The following SPAG16 variants were observed in gnomAD, a reference collection of about 807,000 sequenced individuals.
SPAG16 encodes the protein sperm-associated antigen 16 protein.
A neutral mutation model predicts 80.4 loss-of-function variants in SPAG16; 86 were observed. The observed-to-expected ratio is 1.07, with a 90% CI of 0.90 to 1.28. SPAG16 has a LOEUF of 1.28. SPAG16 is among the 50% of genes most tolerant of loss of function. SPAG16 has a pLI of 0.00. For missense variants in SPAG16, 870 were observed against 765.3 expected (o/e 1.14, Z -1.61); for synonymous variants, 294 against 265.9 (o/e 1.11, Z -1.03).
At chr2:213,449,921 C>T (rs2125569315) in intron 9 of SPAG16, among the ~76,000 whole-genome samples, 1 of 151,858 alleles carries the variant, frequency 6.6e-6, no homozygotes, top group East Asian at 1.9e-4. Context: ...GAATGTCTAC[C>T]CATGTGATTA....
chr2:214,355,681 C>T (rs1419592389), intron 15 of SPAG16, among the ~76,000 whole-genome samples: 2 of 151,406 alleles, frequency 1.3e-5, no homozygotes, highest in Non-Finnish European at 2.9e-5. Flanking sequence ...GGGTATATAC[C>T]CAAAAGACTA....
At chr2:213,520,638 G>A (rs1253414430) in intron 10 of SPAG16, among the ~76,000 whole-genome samples, 1 of 152,036 alleles carries the variant, frequency 6.6e-6, no homozygotes, top group African/African-American at 2.4e-5. Context: ...CATCCAACTT[G>A]TATTACTCTG....
At chr2:214,201,098 G>A (rs1338810375) in intron 15 of SPAG16, among the ~76,000 whole-genome samples, 1 of 152,036 alleles carries the variant, frequency 6.6e-6, no homozygotes, top group Non-Finnish European at 1.5e-5. Flanking sequence ...TTGTTTTGTG[G>A]ATCAATTAGC....
At chr2:213,688,142 A>G (rs1219543116) in intron 10 of SPAG16, among the ~76,000 whole-genome samples, 1 of 152,180 alleles carries the variant, frequency 6.6e-6, no homozygotes, top group East Asian at 1.9e-4. Flanking sequence ...AAATTTAAAC[A>G]TTTTCTAGTT....
intron 10 of SPAG16, among the ~76,000 whole-genome samples, chr2:213,860,357 ATATATAT>A (rs2075370754): frequency 1.4e-5 from 2 of 144,702 alleles, no homozygotes; most frequent in Non-Finnish European, 1.5e-5. Context: ...ATATATATAT[ATATATAT>A]GTGTGTGTGT....
At chr2:214,373,489 A>G (rs1186317570) in intron 15 of SPAG16, among the ~76,000 whole-genome samples, 1 of 152,224 alleles carries the variant, frequency 6.6e-6, no homozygotes, top group East Asian at 1.9e-4. Flanking sequence ...TATTAACGTG[A>G]GAAATAGAAA....
intron 13 of SPAG16, among the ~76,000 whole-genome samples, chr2:214,102,072 C>T (rs1265417886): frequency 1.4e-5 from 2 of 147,068 alleles, no homozygotes; most frequent in African/African-American, 2.5e-5. Context: ...GAAGACTAAG[C>T]TATTTGTCCA....
chr2:213,302,640 T>TGC (rs1223563559), intron 3 of SPAG16: 1 of 83,770 alleles, frequency 1.2e-5, no homozygotes, highest in Admixed American at 1.5e-4. Flanking sequence ...TGTGTGTGTG[T>TGC]GTGTGTGTGT....
intron 3 of SPAG16, among the ~76,000 whole-genome samples, chr2:213,306,035 G>A (rs1290330924): frequency 6.6e-6 from 1 of 151,970 alleles, no homozygotes; most frequent in African/African-American, 2.4e-5. Context: ...GGTCTGTTTG[G>A]CTTTTGGATT....
intron 15 of SPAG16, among the ~76,000 whole-genome samples, chr2:214,252,720 A>C (rs1690386337): frequency 6.6e-6 from 1 of 152,044 alleles, no homozygotes; most frequent in Non-Finnish European, 1.5e-5. Context: ...GTTGGTTCCA[A>C]GTCTTTGCTA....
chr2:213,360,411 T>A (rs868040947), intron 7 of SPAG16, among the ~76,000 whole-genome samples: 1 of 152,204 alleles, frequency 6.6e-6, no homozygotes. Flanking sequence ...CCCAAACTGC[T>A]AAGTGGCCAA....
intron 12 of SPAG16, among the ~76,000 whole-genome samples, chr2:213,969,844 C>A (rs1251816771): frequency 6.6e-6 from 1 of 152,026 alleles, no homozygotes; most frequent in African/African-American, 2.4e-5. Context: ...CCTTTAGCCA[C>A]TATGCTTATA....
At chr2:213,348,970 A>G (rs2065172615) in intron 6 of SPAG16, among the ~76,000 whole-genome samples, 1 of 152,178 alleles carries the variant, frequency 6.6e-6, no homozygotes, top group Admixed American at 6.6e-5. Context: ...CTGAGCCATA[A>G]AACAAGTCTC....
Position 214,014,087 on chromosome 2 carries a change from T to G in SPAG16, c.1527+10T>G. 6.2e-7 allele frequency: 1 copy of G among 1,611,410 alleles called. No individual in the cohort carries two copies. The highest frequency in any genetic ancestry group is 8.5e-7 in the Non-Finnish European group (1 of 1,179,092). ...ATGGGATGCAAGAACAGTAAGCAAA[T>G]CATTCACTTTTTTTCCCAGCTTTTG... is the stretch of plus-strand genomic sequence containing the variant. On this transcript the variant is annotated intron_variant, in intron 13 of 15. Transcript: ENST00000331683.
chr2:214,166,045 A>G (rs935103505), intron 15 of SPAG16, among the ~76,000 whole-genome samples: 2 of 152,182 alleles, frequency 1.3e-5, no homozygotes, highest in Admixed American at 1.3e-4. Context: ...TTGTTCAAAT[A>G]TAATATCTCA....
At chr2:214,061,107 C>T (rs979821817) in intron 13 of SPAG16, among the ~76,000 whole-genome samples, 1 of 152,082 alleles carries the variant, frequency 6.6e-6, no homozygotes, top group Non-Finnish European at 1.5e-5. Flanking sequence ...AGAGGTAAGT[C>T]CTTCATAGAG....
Position 213,621,549 on chromosome 2 carries a change from T to C in SPAG16, c.1070+131459T>C, listed in dbSNP as rs1385541803. 2.0e-5 allele frequency among the ~76,000 whole-genome samples: 3 copies of C among 152,064 alleles called. No individual in the cohort carries two copies. In the East Asian group the frequency reaches 5.8e-4, roughly 29 times the overall value. On this transcript the variant is annotated intron_variant, in intron 10 of 15. Coordinates refer to ENST00000331683, the MANE Select transcript of SPAG16 (RefSeq NM_024532.5). Reference sequence around the variant, plus strand: ...GATGGATGAGACATTCAACAAAGGGTTGATAGAGGGAGATAGGAAAGGAAA... The same window carrying C: ...GATGGATGAGACATTCAACAAAGGGCTGATAGAGGGAGATAGGAAAGGAAA...
intron 15 of SPAG16, among the ~76,000 whole-genome samples, chr2:214,249,138 A>T (rs1439297220): frequency 6.6e-6 from 1 of 152,188 alleles, no homozygotes; most frequent in Non-Finnish European, 1.5e-5. Context: ...GGGACTGAAG[A>T]ATGTGAAAAA....
At chr2:214,320,870 A>G (rs1696048364) in intron 15 of SPAG16, among the ~76,000 whole-genome samples, 1 of 152,236 alleles carries the variant, frequency 6.6e-6, no homozygotes, top group Admixed American at 6.5e-5. Flanking sequence ...CAGTTGCTCA[A>G]TAAACATTGT....
Sources: gnomAD v4.1 joint callset for allele counts (sites outside exome capture counted in the v4.1 genomes callset) on GRCh38, gnomAD v4.1.1 for gene constraint, MANE v1.5 for transcripts, NCBI Gene and HGNC (gene_info 2026-07-23, HGNC 2026-07-21) for gene names.